Variants in BAZ1A observed in about 807,000 individuals in gnomAD.
BAZ1A encodes bromodomain adjacent to zinc finger domain protein 1A.
In BAZ1A, 50 loss-of-function variants were observed where a neutral mutation model predicts 185.2. The ratio of observed to expected loss-of-function variants is 0.27; its 90% confidence interval spans 0.22 to 0.34. The LOEUF (loss-of-function observed/expected upper bound fraction) is 0.34, where lower values mean the gene tolerates loss of function less well. Among genes scored for constraint, BAZ1A ranks in the 10% least tolerant of loss-of-function variants. The pLI, the probability that BAZ1A is intolerant of heterozygous loss-of-function variation, is 1.00. For synonymous variants in BAZ1A, 571 were observed against 615.6 expected, an observed-to-expected ratio of 0.93 and a Z score of 1.07; for missense variants, 1,356 against 1,839.9, an observed-to-expected ratio of 0.74 and a Z score of 4.81.
chr14:34,796,821 TTG>T (rs1881224754), intron 9 of BAZ1A, among the ~76,000 whole-genome samples: 1 of 152,238 alleles, frequency 6.6e-6, no homozygotes, highest in Admixed American at 6.5e-5. Flanking sequence ...TTGCTGTAAC[TTG>T]AATAGTCTGC....
intron 11 of BAZ1A, 99 bp downstream of exon 11, chr14:34,794,650 T>A: frequency 8.1e-7 from 1 of 1,240,372 alleles, no homozygotes; most frequent in South Asian, 1.5e-5. Context: ...AGATCCCAAC[T>A]CCAGTGCCCC....
chr14:34,845,276 T>TTTTC (rs1482234334), intron 3 of BAZ1A: 1 of 61,222 alleles, frequency 1.6e-5, no homozygotes, highest in African/African-American at 6.1e-5. Flanking sequence ...AACTTTTTCT[T>TTTTC]TTTTTTTTTT....
Position 34,780,178 on chromosome 14 carries a change from A to T in BAZ1A, c.2236+8T>A, listed in dbSNP as rs768718579. The T allele has an allele frequency of 5.0e-6, 8 of 1,611,580 alleles. No individual in the cohort carries two copies. The East Asian group carries it at 1.8e-4, about 36-fold the overall frequency. On this transcript the variant is annotated splice_region_variant and intron_variant, in intron 17 of 26. Coordinates refer to ENST00000360310, the MANE Select transcript of BAZ1A (RefSeq NM_013448.3). ...CACAAGAATGCCCTAAAGAAATTTC[A>T]GTATTACCCCTTCTGCCTCTTTTAT...
chr14:34,824,962 C>T (rs2042144412), intron 4 of BAZ1A, among the ~76,000 whole-genome samples: 1 of 152,172 alleles, frequency 6.6e-6, no homozygotes, highest in Non-Finnish European at 1.5e-5. Flanking sequence ...TGAGCTAAAA[C>T]ATGTAAAAGA....
Position 34,776,062 on chromosome 14 carries a change from G to C in BAZ1A, c.2690C>G (p.Ser897Cys). ...AATAAGCTGGTCTAGCTGTTCACAA[G>C]AACTGTAAAAGCACCACCGATTTGG... is the stretch of plus-strand genomic sequence containing the variant. Reference protein sequence around the residue: ...HKPNRWCFYSSCEQLDQLIEA... With the variant: ...HKPNRWCFYSCCEQLDQLIEA... The change falls in exon 18 of 27, where the codon TCT becomes TGT. Residue 897 changes from serine (S) to cysteine (C), a missense_variant. This residue lies in a region of BAZ1A where 434 missense variants were observed against 561.7 expected (regional missense o/e 0.77). Transcript: ENST00000360310. The C allele has an allele frequency of 1.2e-6, 2 of 1,614,152 alleles. No homozygotes were observed. The highest frequency in any genetic ancestry group is 1.7e-6 in the Non-Finnish European group (2 of 1,180,018).
chr14:34,803,592 A>G (rs1313929885), intron 6 of BAZ1A, among the ~76,000 whole-genome samples: 1 of 151,382 alleles, frequency 6.6e-6, no homozygotes, highest in Non-Finnish European at 1.5e-5. Context: ...TATATATTAT[A>G]CAATAATTTG....
In BAZ1A at chr14:34,802,903, G is replaced by T; in HGVS notation, c.812C>A (p.Pro271His). The change falls in exon 7 of 27, where the codon CCT becomes CAT. Residue 271 changes from proline to histidine, a missense_variant. This residue lies in a region of BAZ1A where 332 missense variants were observed against 395.3 expected (regional missense o/e 0.84). Coordinates refer to ENST00000360310, the MANE Select transcript of BAZ1A (RefSeq NM_013448.3). ...PDDPPTFIFS[P>H]ANRRRGRPPK... ...AGGTCTCCCTCTTCGTCTGTTAGCA[G>T]GACTGAAGATAAATGTGGGTGGATC... 6.2e-7 allele frequency: 1 copy of T among 1,613,308 alleles called. No individual in the cohort carries two copies. Among genetic ancestry groups the T allele is most frequent in the South Asian group, 1.1e-5 (1 of 91,050 alleles).
At position 34,874,290 on chromosome 14, in the gene BAZ1A, TCCCCACGCGCGCCGCCGCCAGTTGG is replaced by T. The variant is rs951105490; in HGVS notation, c.113+177_113+201del. On this transcript the variant is annotated intron_variant, in intron 2 of 26. Transcript: ENST00000360310. The surrounding 1 kb of genome is among the most constrained non-coding windows in gnomAD (Gnocchi z 4.7). ...CTCCTCCGCCACTACCAACCCGCGT[TCCCCACGCGCGCCGCCGCCAGTTGG>T]CCCCGCGCGTTCTCCAGGTGGAGGC... 2.4e-5 allele frequency: 13 copies of T among 548,124 alleles called. 1 individual carries two copies. The South Asian group carries it at 2.5e-4, about 11-fold the overall frequency. 34.0% of individuals were successfully genotyped at this position (548,124 alleles called of 1,614,324 possible).
intron 20 of BAZ1A, among the ~76,000 whole-genome samples, chr14:34,773,148 G>A (rs1458690098): frequency 6.6e-6 from 1 of 152,156 alleles, no homozygotes; most frequent in Non-Finnish European, 1.5e-5. Flanking sequence ...GGCCTCAAGT[G>A]ATCCTCCTGC....
intron 2 of BAZ1A, among the ~76,000 whole-genome samples, chr14:34,862,574 C>T (rs528528404): frequency 6.6e-6 from 1 of 151,986 alleles, no homozygotes; most frequent in South Asian, 2.1e-4. Flanking sequence ...ACTTTGAGTT[C>T]CATCTGCTTT....
chr14:34,760,488 CTT>C (rs5807795), intron 24 of BAZ1A, among the ~76,000 whole-genome samples: 62 of 139,540 alleles, frequency 4.4e-4, no homozygotes, highest in African/African-American at 8.2e-4. Context: ...AGAACAGTGG[CTT>C]TTTTTTTTTT....
At chr14:34,834,375 A>G (rs1447624173) in intron 3 of BAZ1A, among the ~76,000 whole-genome samples, 1 of 152,194 alleles carries the variant, frequency 6.6e-6, no homozygotes, top group Non-Finnish European at 1.5e-5. Flanking sequence ...TCTGAACCCA[A>G]TTACAGTTGA....
chr14:34,860,102 G>T (rs1460362271), intron 3 of BAZ1A, among the ~76,000 whole-genome samples: 1 of 152,132 alleles, frequency 6.6e-6, no homozygotes, highest in Non-Finnish European at 1.5e-5. Flanking sequence ...TTATTTAAAT[G>T]CATTAGGACA....
rs1490623972 is a variant in BAZ1A, at chr14:34,772,065, C to G, written c.3153-406G>C. ...TGCCTCCCGGGTTCACACCATTCTC[C>G]TGCCTCAGTCTCCTGAGTAGCTGGG... On this transcript the variant is annotated intron_variant, in intron 20 of 26. Coordinates refer to ENST00000360310, the MANE Select transcript of BAZ1A (RefSeq NM_013448.3). Among the ~76,000 whole-genome samples, 5 of 152,120 alleles carry G rather than the reference C, an allele frequency of 3.3e-5. No homozygotes were observed. The South Asian group carries it at 1.0e-3, about 32-fold the overall frequency.
intron 6 of BAZ1A, 73 bp from the exon 7 acceptor site, chr14:34,803,061 C>A: frequency 7.1e-7 from 1 of 1,409,756 alleles, no homozygotes; most frequent in Admixed American, 1.7e-5. Context: ...CCTAACATGT[C>A]ATATGGCCAC....
chr14:34,844,138 G>A (rs1225572569), intron 3 of BAZ1A, among the ~76,000 whole-genome samples: 1 of 148,594 alleles, frequency 6.7e-6, no homozygotes, highest in African/African-American at 2.5e-5. Context: ...TCCGGGAGGC[G>A]GAGCTTGCAG....
intron 14 of BAZ1A, among the ~76,000 whole-genome samples, chr14:34,784,331 G>A (rs1376909963): frequency 8.7e-6 from 1 of 115,260 alleles, no homozygotes; most frequent in East Asian, 3.0e-4. Context: ...TCGCACCACT[G>A]CACTCCAACC....
chr14:34,787,914 T>C (rs1880586343), intron 12 of BAZ1A, among the ~76,000 whole-genome samples: 1 of 152,216 alleles, frequency 6.6e-6, no homozygotes, highest in South Asian at 2.1e-4. Context: ...CATAGTACAG[T>C]GTACACAGAT....
In BAZ1A at chr14:34,785,917, A is replaced by G; in HGVS notation, c.1691T>C (p.Val564Ala). The change falls in exon 14 of 27, where the codon GTA (valine) becomes GCA (alanine). Residue 564 changes from valine to alanine, a missense_variant. Transcript: ENST00000360310. The part of the protein sequence containing the change: ...RLHILASGAD[V>A]TSANAKYRYQ... ...TCTATACTTTGCATTTGCTGATGTTACATCAGCACCTGAAGCTAAGATGTG... is the reference window on the plus strand; with the variant it reads ...TCTATACTTTGCATTTGCTGATGTTGCATCAGCACCTGAAGCTAAGATGTG... 6.2e-7 allele frequency: 1 copy of G among 1,614,140 alleles called. No homozygotes were observed. Among genetic ancestry groups the G allele is most frequent in the Non-Finnish European group, 8.5e-7 (1 of 1,180,028 alleles).
Sources: allele counts gnomAD v4.1 joint callset (sites outside exome capture counted in the v4.1 genomes callset), GRCh38; gene constraint gnomAD v4.1.1; regional missense constraint gnomAD v4.1.1; non-coding constraint Gnocchi (gnomAD v3.1); transcripts MANE v1.5; gene names NCBI Gene and HGNC (gene_info 2026-07-23, HGNC 2026-07-21).